Variants in IMPG1 observed in about 807,000 individuals in gnomAD.
IMPG1 encodes interphotoreceptor matrix proteoglycan 1.
In IMPG1, 85 loss-of-function variants were observed where a neutral mutation model predicts 92.0. That is an observed-to-expected ratio of 0.92 (90% CI 0.78 to 1.11). IMPG1 has a LOEUF of 1.11. Ranked by LOEUF, IMPG1 falls within the 50% of genes least tolerant of loss-of-function variation. The pLI is 0.00. For missense variants in IMPG1, 1,022 were observed against 956.0 expected, an observed-to-expected ratio of 1.07 and a Z score of -0.91; for synonymous variants, 367 against 334.1, an observed-to-expected ratio of 1.10 and a Z score of -1.08.
intron 12 of IMPG1, among the ~76,000 whole-genome samples, chr6:75,978,471 CATTGTTAG>C (rs1782574159): frequency 1.3e-5 from 2 of 151,974 alleles, no homozygotes; most frequent in Admixed American, 1.3e-4. Flanking sequence ...GCAAGGTAGG[CATTGTTAG>C]CCCATTTGCA....
intron 15 of IMPG1, among the ~76,000 whole-genome samples, chr6:75,924,212 AC>A (rs1781480681): frequency 6.6e-6 from 1 of 150,772 alleles, no homozygotes; most frequent in African/African-American, 2.4e-5. Flanking sequence ...AAATAGGACT[AC>A]CATATGATCG....
chr6:76,034,229 C>T, intron 4 of IMPG1, 86 bp downstream of exon 4: 1 of 1,255,014 alleles, frequency 8.0e-7, no homozygotes, highest in Non-Finnish European at 1.1e-6. Context: ...TAAAATCCTA[C>T]AGGTAGAATA....
chr6:76,058,807 G>A (rs541858771), intron 1 of IMPG1, among the ~76,000 whole-genome samples: 8 of 152,298 alleles, frequency 5.3e-5, no homozygotes, highest in African/African-American at 9.6e-5. Context: ...GCAACACTCC[G>A]TTTGAGTTTC....
intron 7 of IMPG1, 133 bp downstream of exon 7, chr6:76,018,585 T>A: frequency 1.3e-6 from 1 of 745,228 alleles, no homozygotes; most frequent in South Asian, 2.5e-5. Context: ...ATTGTAATTT[T>A]GGTTTTCTTT....
chr6:75,983,385 C>T (rs1427843013), intron 12 of IMPG1, among the ~76,000 whole-genome samples: 3 of 151,912 alleles, frequency 2.0e-5, no homozygotes, highest in Non-Finnish European at 2.9e-5. Flanking sequence ...GACATACAGA[C>T]CAGTGGAATA....
chr6:75,968,621 T>C (rs1037163695), intron 12 of IMPG1, among the ~76,000 whole-genome samples: 4 of 152,136 alleles, frequency 2.6e-5, no homozygotes, highest in Non-Finnish European at 5.9e-5. Context: ...ATTTTTCACT[T>C]TTAGGGAAAA....
chr6:75,989,869 T>C (rs946582090), intron 12 of IMPG1, among the ~76,000 whole-genome samples: 1 of 152,062 alleles, frequency 6.6e-6, no homozygotes, highest in Non-Finnish European at 1.5e-5. Flanking sequence ...AAAATAATTA[T>C]ATGTAGATCT....
chr6:76,024,873 A>G, intron 5 of IMPG1: 2 of 419,936 alleles, frequency 4.8e-6, no homozygotes, highest in Non-Finnish European at 9.1e-6. Context: ...GGAAAAAATG[A>G]TACAAACTCT....
chr6:76,064,315 A>G (rs946372544), intron 1 of IMPG1, among the ~76,000 whole-genome samples: 11 of 148,656 alleles, frequency 7.4e-5, no homozygotes, highest in Non-Finnish European at 1.3e-4. Context: ...CTGAGGGAGG[A>G]GGTTCTGCAC....
At chr6:76,016,319 G>A (rs1421432727) in intron 7 of IMPG1, among the ~76,000 whole-genome samples, 1 of 152,116 alleles carries the variant, frequency 6.6e-6, no homozygotes, top group Non-Finnish European at 1.5e-5. Context: ...TAAGTGTTTA[G>A]AAAATTGACA....
intron 6 of IMPG1, among the ~76,000 whole-genome samples, 155 bp from the exon 7 acceptor site, chr6:76,019,013 G>A (rs1480529504): frequency 6.6e-6 from 1 of 152,184 alleles, no homozygotes; most frequent in Non-Finnish European, 1.5e-5. Flanking sequence ...TTAGAGAAGA[G>A]CCTAGACTGG....
At chr6:75,967,903 G>T (rs1782335530) in intron 12 of IMPG1, among the ~76,000 whole-genome samples, 1 of 152,180 alleles carries the variant, frequency 6.6e-6, no homozygotes, top group African/African-American at 2.4e-5. Context: ...GCCCTCAGGA[G>T]CTATGGAACC....
chr6:76,022,195 G>T lies in IMPG1; in HGVS notation c.587C>A (p.Pro196His). The change falls in exon 6 of 17, where the codon CCT becomes CAT. Residue 196 changes from proline to histidine, a missense_variant. Physicochemically the swap from Pro to His is moderately conservative, Grantham distance 77. This residue lies in a region of IMPG1 where 681 missense variants were observed against 583.6 expected (regional missense o/e 1.17). Coordinates refer to ENST00000369950, the MANE Select transcript of IMPG1 (RefSeq NM_001563.4). ...GGTGTCATCAGGAGTGAGAGGGAAA[G>T]GCCCAAGTGAGACGTTGGCAACATC... is the stretch of plus-strand genomic sequence containing the variant. ...STDVANVSLGPFPLTPDDTLL... is the reference protein window; with the variant it reads ...STDVANVSLGHFPLTPDDTLL... 1 of 1,592,730 alleles carries T rather than the reference G, an allele frequency of 6.3e-7. No individual in the cohort carries two copies. Among genetic ancestry groups the T allele is most frequent in the Admixed American group, 1.7e-5 (1 of 59,382 alleles).
intron 15 of IMPG1, among the ~76,000 whole-genome samples, chr6:75,925,813 A>T (rs747005552): frequency 3.9e-5 from 6 of 151,984 alleles, no homozygotes; most frequent in Admixed American, 2.0e-4. Context: ...TTACAGGCAC[A>T]TGCCACCACG....
intron 7 of IMPG1, among the ~76,000 whole-genome samples, chr6:76,013,624 A>T (rs770041555): frequency 6.6e-6 from 1 of 152,082 alleles, no homozygotes; most frequent in Non-Finnish European, 1.5e-5. Context: ...CACCGAGATC[A>T]TGCTCCTTGG....
intron 12 of IMPG1, among the ~76,000 whole-genome samples, chr6:75,984,657 T>C (rs1188656793): frequency 6.6e-6 from 1 of 152,226 alleles, no homozygotes; most frequent in Non-Finnish European, 1.5e-5. Context: ...ATAGTTTGGA[T>C]ATTTATCCCC....
At position 75,958,192 on chromosome 6, in the gene IMPG1, T is replaced by TTTTC. The variant is rs1208588243; in HGVS notation, c.1292-7099_1292-7098insGAAA. On this transcript the variant is annotated intron_variant, in intron 12 of 16. Coordinates refer to ENST00000369950, the MANE Select transcript of IMPG1 (RefSeq NM_001563.4). ...ATATGAAATTCTGGGTTGAAAATTC[T>TTTTC]TTTAAGAATGTTGAATATTGGTCCC... is the stretch of plus-strand genomic sequence containing the variant. Among the ~76,000 whole-genome samples, 25 of 152,206 alleles carry TTTTC rather than the reference T, an allele frequency of 1.6e-4. 1 individual carries two copies. Among genetic ancestry groups the TTTTC allele is most frequent in the Non-Finnish European group, 3.7e-4 (25 of 68,026 alleles).
rs1201188760 is a variant in IMPG1, at chr6:75,921,236, A to T, written c.*853T>A. On this transcript the variant is annotated 3_prime_UTR_variant, in exon 17 of 17. Transcript: ENST00000369950. Reference sequence around the variant, plus strand: ...AAGCAGCACATAAAAAATGGACTGAATTGGATTACATTGATGCCAGTCTAG... The same window carrying T: ...AAGCAGCACATAAAAAATGGACTGATTTGGATTACATTGATGCCAGTCTAG... 6.6e-6 allele frequency: 1 copy of T among 152,196 alleles called. No individual in the cohort carries two copies. Among genetic ancestry groups the T allele is most frequent in the Non-Finnish European group, 1.5e-5 (1 of 68,028 alleles). The allele number at this position is 152,196 out of a possible 1,614,324, so 9.4% of individuals were successfully genotyped here. A position where few individuals can be genotyped will look rare whatever the true frequency, so the allele number is the denominator to read the frequency against.
chr6:75,980,098 C>T (rs1195996344), intron 12 of IMPG1, among the ~76,000 whole-genome samples: 1 of 152,142 alleles, frequency 6.6e-6, no homozygotes, highest in Non-Finnish European at 1.5e-5. Context: ...TCGTTTCGGA[C>T]ATGATCACAC....
Sources: gnomAD v4.1 joint callset for allele counts (sites outside exome capture counted in the v4.1 genomes callset) on GRCh38, gnomAD v4.1.1 for gene constraint, gnomAD v4.1.1 regional missense constraint, MANE v1.5 for transcripts, NCBI Gene and HGNC (gene_info 2026-07-23, HGNC 2026-07-21) for gene names.